DCT: variants seen among roughly 807,000 people sequenced by gnomAD.
DCT encodes L-dopachrome tautomerase.
Under a neutral mutation model 53.0 loss-of-function variants are expected in DCT, and 47 were observed. That is an observed-to-expected ratio of 0.89 (90% CI 0.70 to 1.13). The LOEUF is 1.13. Ranked by LOEUF, DCT falls within the 50% of genes most tolerant of loss-of-function variation. The pLI is 0.00. For missense variants in DCT, 669 were observed against 637.4 expected, an observed-to-expected ratio of 1.05 and a Z score of -0.53; for synonymous variants, 244 against 237.0, an observed-to-expected ratio of 1.03 and a Z score of -0.27.
chr13:94,472,073 A>G (rs1884678617), intron 1 of DCT, among the ~76,000 whole-genome samples: 1 of 152,160 alleles, frequency 6.6e-6, no homozygotes. Flanking sequence ...ACCTTTTTAC[A>G]TTTAAAGGCA....
In DCT at chr13:94,442,485, T is replaced by A. The variant is rs201074582; in HGVS notation, c.1381+951A>T. On this transcript the variant is annotated intron_variant, in intron 7 of 7. Transcript: ENST00000377028. ...CTATGCCCAGCTAATATTATTTGAA[T>A]TTTAGCAGAGATAGGTCTCAGTATG... Among the ~76,000 whole-genome samples, 56 of 152,236 alleles carry A rather than the reference T, an allele frequency of 3.7e-4. No homozygotes were observed. The East Asian group carries it at 0.01, about 28-fold the overall frequency.
chr13:94,448,911 A>T (rs533362932), intron 6 of DCT, among the ~76,000 whole-genome samples: 51 of 151,998 alleles, frequency 3.4e-4, no homozygotes, highest in Admixed American at 1.0e-3. Flanking sequence ...CTCAAAAAAA[A>T]AATAATAATA....
At chr13:94,514,985 T>G in the DCT span, among the ~76,000 whole-genome samples, 1 of 152,140 alleles carries the variant, frequency 6.6e-6, no homozygotes, top group East Asian at 1.9e-4. Flanking sequence ...CTTTGTGAGA[T>G]AATTAGGTCA....
intron 6 of DCT, chr13:94,444,496 T>C (rs1473599322): frequency 9.3e-6 from 4 of 431,352 alleles, no homozygotes; most frequent in Non-Finnish European, 9.2e-6. Flanking sequence ...ATTAAAGTCC[T>C]TTTAAAATAT....
intron 1 of DCT, among the ~76,000 whole-genome samples, chr13:94,472,675 C>T (rs1221021948): frequency 3.5e-5 from 5 of 143,434 alleles, no homozygotes; most frequent in Admixed American, 2.1e-4. Context: ...ACCACCTCCC[C>T]GGTTCAAGCG....
At chr13:94,549,366 G>A in the DCT span, among the ~76,000 whole-genome samples, 42 of 152,312 alleles carry the variant, frequency 2.8e-4, no homozygotes, top group Admixed American at 9.8e-4. Flanking sequence ...TCGCCACCGC[G>A]GCCCGGGTCG....
At chr13:94,547,259 G>C in the DCT span, among the ~76,000 whole-genome samples, 1 of 151,914 alleles carries the variant, frequency 6.6e-6, no homozygotes. Context: ...TGGGATTACA[G>C]GCTTGTACCA....
chr13:94,482,341 C>T (rs530301917), upstream of DCT, among the ~76,000 whole-genome samples: 2 of 152,322 alleles, frequency 1.3e-5, no homozygotes, highest in East Asian at 1.9e-4. Context: ...ATTGCAATCA[C>T]TATTATTCAA....
chr13:94,447,128 G>C (rs1882785061), intron 6 of DCT, among the ~76,000 whole-genome samples: 1 of 152,206 alleles, frequency 6.6e-6, no homozygotes, highest in Admixed American at 6.5e-5. Flanking sequence ...GGTAGAGTAA[G>C]AATTTGAACC....
chr13:94,453,464 TA>T (rs1411965065), intron 6 of DCT, among the ~76,000 whole-genome samples: 1 of 152,196 alleles, frequency 6.6e-6, no homozygotes, highest in African/African-American at 2.4e-5. Flanking sequence ...AATGTTATTT[TA>T]TTTTTTTACA....
At chr13:94,495,198 G>A in the DCT span, among the ~76,000 whole-genome samples, 1 of 152,162 alleles carries the variant, frequency 6.6e-6, no homozygotes, top group Non-Finnish European at 1.5e-5. Context: ...CCAGGCTCAA[G>A]CCATCCTCCC....
At chr13:94,447,401 T>C (rs915015397) in intron 6 of DCT, among the ~76,000 whole-genome samples, 24 of 152,236 alleles carry the variant, frequency 1.6e-4, no homozygotes, top group Admixed American at 1.4e-3. Context: ...TGCACTCTTA[T>C]GAGAATCTAA....
intron 7 of DCT, among the ~76,000 whole-genome samples, chr13:94,442,200 C>T (rs1050065419): frequency 6.6e-5 from 10 of 152,178 alleles, no homozygotes; most frequent in African/African-American, 2.4e-4. Flanking sequence ...GAGAGAGAGA[C>T]TGAGCTCTGA....
the DCT span, among the ~76,000 whole-genome samples, chr13:94,542,604 C>T: frequency 2.6e-5 from 4 of 152,284 alleles, no homozygotes; most frequent in Admixed American, 6.5e-5. Flanking sequence ...CTGCTTCATG[C>T]GTTCAATTCC....
chr13:94,526,249 GC>G, the DCT span, among the ~76,000 whole-genome samples: 1 of 152,254 alleles, frequency 6.6e-6, no homozygotes, highest in East Asian at 1.9e-4. Context: ...CCTGTGGGAT[GC>G]CCTGGAGCTG....
chr13:94,513,858 C>T, the DCT span, among the ~76,000 whole-genome samples: 13 of 151,874 alleles, frequency 8.6e-5, no homozygotes, highest in South Asian at 2.1e-4. Flanking sequence ...TGGTGGCAGG[C>T]GCCTGTATTC....
At chr13:94,449,755 T>C (rs1454477967) in intron 6 of DCT, among the ~76,000 whole-genome samples, 1 of 152,250 alleles carries the variant, frequency 6.6e-6, no homozygotes, top group African/African-American at 2.4e-5. Flanking sequence ...TATCTTGTCT[T>C]GTTCTACCAA....
At chr13:94,496,033 T>C in the DCT span, among the ~76,000 whole-genome samples, 1 of 152,164 alleles carries the variant, frequency 6.6e-6, no homozygotes, top group Non-Finnish European at 1.5e-5. Context: ...TCTGCCCTAT[T>C]CATTGTGCCA....
At chr13:94,523,840 G>A in the DCT span, among the ~76,000 whole-genome samples, 8 of 151,982 alleles carry the variant, frequency 5.3e-5, no homozygotes, top group South Asian at 1.7e-3. Flanking sequence ...TCCCTGGGCT[G>A]GAAAGAAATT....
Sources: gnomAD v4.1 joint callset for allele counts (sites outside exome capture counted in the v4.1 genomes callset) on GRCh38, gnomAD v4.1.1 for gene constraint, MANE v1.5 for transcripts, NCBI Gene and HGNC (gene_info 2026-07-23, HGNC 2026-07-21) for gene names.